TSHZ3: variants seen among roughly 807,000 people sequenced by gnomAD.
TSHZ3 encodes teashirt zinc finger homeobox 3.
A neutral mutation model predicts 64.5 loss-of-function variants in TSHZ3; 10 were observed. The ratio of observed to expected loss-of-function variants is 0.16; its 90% confidence interval spans 0.10 to 0.26. The LOEUF is 0.26. Among genes scored for constraint, TSHZ3 ranks in the 10% least tolerant of loss-of-function variants. The probability of loss-of-function intolerance (pLI) is 1.00; values close to 1 mark genes in which losing one functional copy is unlikely to be tolerated. For missense variants in TSHZ3, 1,242 were observed against 1,421.7 expected, an observed-to-expected ratio of 0.87 and a Z score of 2.03; for synonymous variants, 608 against 593.1, an observed-to-expected ratio of 1.03 and a Z score of -0.36.
intron 5 of TSHZ3, chr19:31,204,842 G>C (rs1426361930): frequency 6.6e-6 from 1 of 152,400 alleles, no homozygotes; most frequent in East Asian, 1.9e-4. Context: ...GCCCCTCCAG[G>C]GTGAGAGGAG....
At chr19:31,221,754 C>T (rs1022065108) in intron 4 of TSHZ3, among the ~76,000 whole-genome samples, 7 of 152,312 alleles carry the variant, frequency 4.6e-5, no homozygotes, top group East Asian at 3.9e-4. Context: ...AGCATTAACA[C>T]GGTATCTGGC....
At chr19:31,244,104 A>G (rs907951567) in intron 1 of TSHZ3, among the ~76,000 whole-genome samples, 1 of 152,178 alleles carries the variant, frequency 6.6e-6, no homozygotes, top group Admixed American at 6.5e-5. Flanking sequence ...ATATATAACA[A>G]TGACAGTGTA....
At chr19:31,286,432 G>A (rs916295084) in intron 1 of TSHZ3, among the ~76,000 whole-genome samples, 3 of 152,234 alleles carry the variant, frequency 2.0e-5, no homozygotes, top group Non-Finnish European at 2.9e-5. Context: ...GCATGTTTAT[G>A]AGCTGTGTTC....
chr19:31,237,154 A>C (rs1230037786), intron 3 of TSHZ3, among the ~76,000 whole-genome samples: 1 of 152,156 alleles, frequency 6.6e-6, no homozygotes, highest in Non-Finnish European at 1.5e-5. Context: ...TCTAAGAAAA[A>C]ACAAACAAAC....
chr19:31,292,674 T>C (rs545410979), intron 1 of TSHZ3, among the ~76,000 whole-genome samples: 33 of 151,460 alleles, frequency 2.2e-4, no homozygotes, highest in African/African-American at 6.8e-4. Flanking sequence ...CATCCATCCA[T>C]TGAAAGACTT....
rs964555690 is a variant in TSHZ3, at chr19:31,186,309, T to C, written n.809+18647A>G. ...AGTTGTAGTTCCCATAATCCCCATG[T>C]GTCACGGGAAGGACCTGGTGGAAGG... On this transcript the variant is annotated intron_variant and non_coding_transcript_variant, in intron 5 of 6. Transcript: ENST00000651361. 4.6e-5 allele frequency among the ~76,000 whole-genome samples: 7 copies of C among 152,200 alleles called. 2 individuals are homozygous for C. In the South Asian group the frequency reaches 1.5e-3, roughly 32 times the overall value.
Position 31,159,258 on chromosome 19 carries a change from C to T in TSHZ3, n.810-2841G>A, listed in dbSNP as rs377745063. Among the ~76,000 whole-genome samples the T allele has an allele frequency of 9.2e-5, 14 of 152,292 alleles. No homozygotes were observed. In the East Asian group the frequency reaches 1.7e-3, roughly 19 times the overall value. Reference sequence around the variant, plus strand: ...TCCGGTAATCCACCTGCCTTTGCTTCACAAATTGCTGGGATTACAGGCATG... The same window carrying T: ...TCCGGTAATCCACCTGCCTTTGCTTTACAAATTGCTGGGATTACAGGCATG... On this transcript the variant is annotated intron_variant and non_coding_transcript_variant, in intron 5 of 6. Coordinates refer to the TSHZ3 transcript ENST00000651361.
intron 5 of TSHZ3, among the ~76,000 whole-genome samples, chr19:31,161,245 C>T (rs11084575): frequency 0.25 from 38,576 of 151,886 alleles, 5,106 homozygotes; most frequent in East Asian, 0.36. Flanking sequence ...TGCCTGATAG[C>T]GGTATGATTT....
intron 1 of TSHZ3, among the ~76,000 whole-genome samples, chr19:31,342,524 C>T (rs1917469347): frequency 6.6e-6 from 1 of 152,170 alleles, no homozygotes; most frequent in Non-Finnish European, 1.5e-5. Context: ...AATAAATTCA[C>T]TCAAGGCTTC....
Position 31,277,743 on chromosome 19 carries a change from G to A in TSHZ3, c.2050C>T (p.Leu684Phe), listed in dbSNP as rs1284733710. The part of the protein sequence containing the change: ...PRDGCKDGSP[L>F]AEPVENGKEL... ...TTGCCATTCTCCACCGGCTCAGCGA[G>A]GGGGCTCCCATCCTTGCACCCATCC... Residue 684 changes from leucine (L) to phenylalanine (F), a missense_variant, in exon 2 of 2, where the codon CTC (leucine) becomes TTC (phenylalanine). Leu to Phe is a conservative substitution (Grantham distance 22). Transcript: ENST00000240587. The surrounding 1 kb of genome is among the most constrained non-coding windows in gnomAD (Gnocchi z 4.5). 2.6e-6 allele frequency: 4 copies of A among 1,522,604 alleles called. No individual in the cohort carries two copies. The highest frequency in any genetic ancestry group is 3.5e-6 in the Non-Finnish European group (4 of 1,137,586). 94.3% of individuals were successfully genotyped at this position (1,522,604 alleles called of 1,614,324 possible). A position where few individuals can be genotyped will look rare whatever the true frequency, so the allele number is the denominator to read the frequency against.
At chr19:31,214,622 A>G (rs1322275436) in intron 4 of TSHZ3, among the ~76,000 whole-genome samples, 1 of 152,192 alleles carries the variant, frequency 6.6e-6, no homozygotes, top group African/African-American at 2.4e-5. Flanking sequence ...CTAAAGAATC[A>G]GGCAGGCCGG....
At chr19:31,297,652 G>A (rs1333346082) in intron 1 of TSHZ3, among the ~76,000 whole-genome samples, 1 of 151,924 alleles carries the variant, frequency 6.6e-6, no homozygotes, top group Non-Finnish European at 1.5e-5. Context: ...TTTTTTTGTA[G>A]AGTCAGGGTC....
intron 6 of TSHZ3, among the ~76,000 whole-genome samples, chr19:31,153,442 G>A (rs1974266044): frequency 6.6e-6 from 1 of 152,198 alleles, no homozygotes; most frequent in Admixed American, 6.5e-5. Flanking sequence ...AAAATGGATT[G>A]CAGTTTTGGC....
intron 5 of TSHZ3, among the ~76,000 whole-genome samples, chr19:31,184,106 T>C (rs1599567340): frequency 6.6e-6 from 1 of 152,148 alleles, no homozygotes; most frequent in Non-Finnish European, 1.5e-5. Flanking sequence ...ATTTTATGAA[T>C]ATGTAAAAGG....
intron 1 of TSHZ3, among the ~76,000 whole-genome samples, chr19:31,313,527 C>G (rs141710038): frequency 2.0e-5 from 3 of 152,186 alleles, no homozygotes; most frequent in Non-Finnish European, 1.5e-5. Flanking sequence ...CCTGGCACTG[C>G]GTACCACCTG....
intron 4 of TSHZ3, among the ~76,000 whole-genome samples, chr19:31,209,347 C>A (rs1477723039): frequency 6.6e-6 from 1 of 152,084 alleles, no homozygotes; most frequent in Admixed American, 6.6e-5. Flanking sequence ...GGACACTTGC[C>A]ATTTGCTGGG....
At chr19:31,238,673 G>A (rs542293718) in intron 3 of TSHZ3, among the ~76,000 whole-genome samples, 2 of 152,060 alleles carry the variant, frequency 1.3e-5, no homozygotes, top group Non-Finnish European at 2.9e-5. Flanking sequence ...TCTTTGTCTT[G>A]AAATCCACCT....
At chr19:31,166,220 C>T (rs759222720) in intron 5 of TSHZ3, among the ~76,000 whole-genome samples, 50 of 152,028 alleles carry the variant, frequency 3.3e-4, no homozygotes, top group Non-Finnish European at 6.9e-4. Flanking sequence ...GGAGCCTGAC[C>T]CTCGTGAAGG....
At chr19:31,305,918 C>A (rs1247186902) in intron 1 of TSHZ3, among the ~76,000 whole-genome samples, 1 of 151,958 alleles carries the variant, frequency 6.6e-6, no homozygotes, top group African/African-American at 2.4e-5. Flanking sequence ...TAAAAAAAAT[C>A]GTAAATATCT....
Sources: allele counts gnomAD v4.1 joint callset (sites outside exome capture counted in the v4.1 genomes callset), GRCh38; gene constraint gnomAD v4.1.1; non-coding constraint Gnocchi (gnomAD v3.1); transcripts MANE v1.5; gene names NCBI Gene and HGNC (gene_info 2026-07-23, HGNC 2026-07-21).